SYNDIG1: variants seen among roughly 807,000 people sequenced by gnomAD.
The protein encoded by SYNDIG1 is synapse differentiation-inducing gene protein 1.
In SYNDIG1, 9 loss-of-function variants were observed where a neutral mutation model predicts 19.4. That is an observed-to-expected ratio of 0.46 (90% CI 0.28 to 0.81). The LOEUF (loss-of-function observed/expected upper bound fraction) is 0.81, where lower values mean the gene tolerates loss of function less well. Among genes scored for constraint, SYNDIG1 ranks in the 30% least tolerant of loss-of-function variants. The pLI is 0.12. For missense variants in SYNDIG1, 311 were observed against 343.3 expected (o/e 0.91, Z 0.74); for synonymous variants, 141 against 145.9 (o/e 0.97, Z 0.24).
At chr20:24,661,196 G>C (rs892711202) in intron 3 of SYNDIG1, among the ~76,000 whole-genome samples, 4 of 152,122 alleles carry the variant, frequency 2.6e-5, no homozygotes, top group Non-Finnish European at 5.9e-5. Context: ...GGGGCGGGGA[G>C]GTCCCCGTCA....
chr20:24,501,447 T>C (rs748150990), intron 1 of SYNDIG1, among the ~76,000 whole-genome samples: 82 of 152,204 alleles, frequency 5.4e-4, no homozygotes, highest in Non-Finnish European at 1.0e-4. Flanking sequence ...TTGATCACCC[T>C]TCAAGCTTAT....
At position 24,547,876 on chromosome 20, in the gene SYNDIG1, C is replaced by A. The variant is rs114772204; in HGVS notation, c.480+4299C>A. Among the ~76,000 whole-genome samples the A allele has an allele frequency of 6.7e-3, 1,018 of 152,300 alleles. 10 individuals are homozygous for A. The highest frequency in any genetic ancestry group is 0.023 in the African/African-American group (952 of 41,544). On this transcript the variant is annotated intron_variant, in intron 2 of 3. Coordinates refer to ENST00000376862, the MANE Select transcript of SYNDIG1 (RefSeq NM_024893.3). ...ATGGAGTCCAGGTGCAGAGGCCTGA[C>A]CACCCTCCTGCCCTTAGAGATGGTG...
chr20:24,501,019 C>G (rs192130184), intron 1 of SYNDIG1, among the ~76,000 whole-genome samples: 1 of 152,130 alleles, frequency 6.6e-6, no homozygotes, highest in East Asian at 1.9e-4. Context: ...AGAAATGAAA[C>G]TTGAAAAAAA....
chr20:24,503,206 C>T (rs1027719709), intron 1 of SYNDIG1, among the ~76,000 whole-genome samples: 4 of 152,216 alleles, frequency 2.6e-5, no homozygotes, highest in East Asian at 1.9e-4. Context: ...TGCCAGAAGG[C>T]GGCTTGTAAT....
At chr20:24,530,827 G>A (rs2057242562) in intron 1 of SYNDIG1, among the ~76,000 whole-genome samples, 1 of 149,968 alleles carries the variant, frequency 6.7e-6, no homozygotes, top group Non-Finnish European at 1.5e-5. Context: ...TTTTTTTTCG[G>A]AGACGGAGTC....
chr20:24,572,812 A>C (rs908157704), intron 2 of SYNDIG1, among the ~76,000 whole-genome samples: 2 of 152,184 alleles, frequency 1.3e-5, no homozygotes, highest in African/African-American at 2.4e-5. Flanking sequence ...GTAACAACTG[A>C]TAGTGCAGTG....
At chr20:24,548,702 T>C (rs2057641190) in intron 2 of SYNDIG1, among the ~76,000 whole-genome samples, 1 of 152,226 alleles carries the variant, frequency 6.6e-6, no homozygotes, top group African/African-American at 2.4e-5. Flanking sequence ...TTTGTTTTGC[T>C]CATTTGTTTG....
At chr20:24,603,476 C>T (rs1177737633) in intron 3 of SYNDIG1, among the ~76,000 whole-genome samples, 1 of 152,090 alleles carries the variant, frequency 6.6e-6, no homozygotes. Flanking sequence ...CTTGTTCCTG[C>T]ACGGTAAGTG....
chr20:24,573,833 AC>A (rs1210285127), intron 2 of SYNDIG1, among the ~76,000 whole-genome samples: 1 of 151,778 alleles, frequency 6.6e-6, no homozygotes, highest in Non-Finnish European at 1.5e-5. Flanking sequence ...GTATCCAGCA[AC>A]CCCCAGTTCC....
At chr20:24,563,652 A>G (rs2057986654) in intron 2 of SYNDIG1, among the ~76,000 whole-genome samples, 1 of 152,210 alleles carries the variant, frequency 6.6e-6, no homozygotes, top group Non-Finnish European at 1.5e-5. Context: ...CCCAGGCTGG[A>G]GTGCAGTGGC....
intron 1 of SYNDIG1, among the ~76,000 whole-genome samples, chr20:24,475,631 C>T (rs1280940107): frequency 6.6e-6 from 1 of 152,170 alleles, no homozygotes. Context: ...AAGAGGCACT[C>T]GTTTGCCTCA....
At chr20:24,542,484 G>A (rs1752444995) in intron 1 of SYNDIG1, among the ~76,000 whole-genome samples, 1 of 152,200 alleles carries the variant, frequency 6.6e-6, no homozygotes, top group African/African-American at 2.4e-5. Context: ...ACTATAGAGA[G>A]CACCCTAGGA....
rs1246446764 is a variant in SYNDIG1 at position 24,588,923 on chromosome 20, C to T, written c.618+3930C>T. 1.4e-4 allele frequency among the ~76,000 whole-genome samples: 17 copies of T among 118,454 alleles called. No individual in the cohort carries two copies. The Admixed American group carries it at 2.1e-3, about 14-fold the overall frequency. 77.7% of individuals were successfully genotyped at this position (118,454 alleles called of 152,430 possible). On this transcript the variant is annotated intron_variant, in intron 3 of 3. Coordinates refer to ENST00000376862, the MANE Select transcript of SYNDIG1 (RefSeq NM_024893.3). ...GATGTGCAGGTTCGGAAGCACCTGC[C>T]TTCTCTGGGGGAGGCATCTGGCTTG... is the stretch of plus-strand genomic sequence containing the variant.
At chr20:24,514,787 T>A (rs1201479553) in intron 1 of SYNDIG1, among the ~76,000 whole-genome samples, 1 of 152,208 alleles carries the variant, frequency 6.6e-6, no homozygotes, top group Admixed American at 6.5e-5. Flanking sequence ...AATAGACATC[T>A]ACAGAACTCT....
At chr20:24,561,415 A>C (rs535740392) in intron 2 of SYNDIG1, among the ~76,000 whole-genome samples, 18 of 152,324 alleles carry the variant, frequency 1.2e-4, no homozygotes, top group Middle Eastern at 3.4e-3. Flanking sequence ...AAGCACCTCC[A>C]CCAGTAGCTG....
chr20:24,530,194 A>G (rs2057227446), intron 1 of SYNDIG1, among the ~76,000 whole-genome samples: 1 of 152,124 alleles, frequency 6.6e-6, no homozygotes, highest in Non-Finnish European at 1.5e-5. Context: ...CTGAATCTGC[A>G]GGTTTTCTTG....
intron 3 of SYNDIG1, among the ~76,000 whole-genome samples, chr20:24,649,834 T>C (rs1600826388): frequency 6.6e-6 from 1 of 152,184 alleles, no homozygotes; most frequent in Non-Finnish European, 1.5e-5. Context: ...GAAAGACCTA[T>C]CATATTTCAC....
intron 2 of SYNDIG1, among the ~76,000 whole-genome samples, chr20:24,580,558 C>T (rs1292803836): frequency 6.6e-6 from 1 of 152,052 alleles, no homozygotes; most frequent in Non-Finnish European, 1.5e-5. Flanking sequence ...TACAGGCATG[C>T]ACCACGAAGC....
At chr20:24,556,080 G>C (rs1871585071) in intron 2 of SYNDIG1, among the ~76,000 whole-genome samples, 1 of 151,996 alleles carries the variant, frequency 6.6e-6, no homozygotes, top group Non-Finnish European at 1.5e-5. Flanking sequence ...TGTCTCTTTT[G>C]ATCTTTGTTG....
Sources: allele counts gnomAD v4.1 joint callset (sites outside exome capture counted in the v4.1 genomes callset), GRCh38; gene constraint gnomAD v4.1.1; transcripts MANE v1.5; gene names NCBI Gene and HGNC (gene_info 2026-07-23, HGNC 2026-07-21).